KCND3: variants seen among roughly 807,000 people sequenced by gnomAD.
The protein encoded by KCND3 is potassium voltage-gated channel subfamily D member 3.
A neutral mutation model predicts 51.1 loss-of-function variants in KCND3; 9 were observed. The observed-to-expected ratio is 0.18, with a 90% CI of 0.11 to 0.31. The LOEUF (loss-of-function observed/expected upper bound fraction) is 0.31, where lower values mean the gene tolerates loss of function less well. Ranked by LOEUF, KCND3 falls within the 10% of genes least tolerant of loss-of-function variation. The pLI, the probability that KCND3 is intolerant of heterozygous loss-of-function variation, is 1.00. For missense variants in KCND3, 526 were observed against 903.8 expected, an observed-to-expected ratio of 0.58 and a Z score of 5.36; for synonymous variants, 349 against 368.0, an observed-to-expected ratio of 0.95 and a Z score of 0.59.
chr1:111,824,800 C>T (rs1158671141), intron 2 of KCND3, among the ~76,000 whole-genome samples: 1 of 152,168 alleles, frequency 6.6e-6, no homozygotes, highest in Non-Finnish European at 1.5e-5. Context: ...CCTTACCCCT[C>T]CTTAAATCCT....
chr1:111,892,278 C>A (rs1669868210), intron 2 of KCND3, among the ~76,000 whole-genome samples: 1 of 152,174 alleles, frequency 6.6e-6, no homozygotes, highest in Non-Finnish European at 1.5e-5. Flanking sequence ...GTCACTCAGC[C>A]CCCTAGACTC....
At chr1:111,796,401 C>CAAA (rs35252041) in intron 2 of KCND3, among the ~76,000 whole-genome samples, 1 of 147,250 alleles carries the variant, frequency 6.8e-6, no homozygotes, top group African/African-American at 2.5e-5. Context: ...TAGACCAGAC[C>CAAA]AAAAAAAAAA....
intron 2 of KCND3, among the ~76,000 whole-genome samples, chr1:111,799,759 T>C (rs1281893891): frequency 6.6e-6 from 1 of 152,148 alleles, no homozygotes; most frequent in East Asian, 1.9e-4. Context: ...CACACTGACA[T>C]GGATGAATAC....
At chr1:111,877,131 C>T (rs866853328) in intron 2 of KCND3, among the ~76,000 whole-genome samples, 19 of 152,230 alleles carry the variant, frequency 1.2e-4, no homozygotes, top group Non-Finnish European at 7.3e-5. Flanking sequence ...GAGATACCAT[C>T]TATTCTAGAG....
chr1:111,815,780 T>C (rs943662306), intron 2 of KCND3, among the ~76,000 whole-genome samples: 1 of 151,998 alleles, frequency 6.6e-6, no homozygotes, highest in African/African-American at 2.4e-5. Context: ...TATCTAGTTG[T>C]GGTTTTCTTT....
At chr1:111,814,366 CAT>C (rs1429347219) in intron 2 of KCND3, among the ~76,000 whole-genome samples, 1 of 152,210 alleles carries the variant, frequency 6.6e-6, no homozygotes, top group Non-Finnish European at 1.5e-5. Context: ...ATCTTGGGGA[CAT>C]CTGTGAAAGC....
At position 111,981,497 on chromosome 1, in the gene KCND3, G is replaced by A; in HGVS notation, c.1106+124C>T. ...CCCTTCGGATAGAGCAACTTCCCCTGCCCCCAACACTTGGGTAAGGGACTC... is the reference window on the plus strand; with the variant it reads ...CCCTTCGGATAGAGCAACTTCCCCTACCCCCAACACTTGGGTAAGGGACTC... On this transcript the variant is annotated intron_variant, in intron 2 of 7. Transcript: ENST00000302127. This position sits in a 1 kb window ranked among gnomAD's most constrained non-coding sequence, Gnocchi z 6.2. The A allele has an allele frequency of 1.4e-6, 2 of 1,395,124 alleles. No individual in the cohort carries two copies. Among genetic ancestry groups the A allele is most frequent in the Non-Finnish European group, 2.0e-6 (2 of 990,686 alleles). 86.4% of individuals were successfully genotyped at this position (1,395,124 alleles called of 1,614,324 possible). A position where few individuals can be genotyped will look rare whatever the true frequency, so the allele number is the denominator to read the frequency against.
intron 2 of KCND3, among the ~76,000 whole-genome samples, chr1:111,895,869 C>G (rs1406552537): frequency 6.6e-6 from 1 of 152,202 alleles, no homozygotes; most frequent in Non-Finnish European, 1.5e-5. Flanking sequence ...TATGACGAGT[C>G]CTGTATCTGG....
intron 2 of KCND3, among the ~76,000 whole-genome samples, chr1:111,885,338 A>G (rs1669520365): frequency 6.6e-6 from 1 of 152,204 alleles, no homozygotes; most frequent in Non-Finnish European, 1.5e-5. Flanking sequence ...AATAAAGACA[A>G]TGATGGCATG....
intron 2 of KCND3, among the ~76,000 whole-genome samples, chr1:111,886,800 C>T (rs1669590321): frequency 6.6e-6 from 1 of 152,200 alleles, no homozygotes; most frequent in Admixed American, 6.5e-5. Context: ...CCTGAGGTGA[C>T]ATGGCCAGTA....
chr1:111,898,758 G>A (rs1209334541), intron 2 of KCND3, among the ~76,000 whole-genome samples: 1 of 152,164 alleles, frequency 6.6e-6, no homozygotes, highest in African/African-American at 2.4e-5. Flanking sequence ...ACCACAGAGT[G>A]TGGGGTCCAG....
chr1:111,842,975 A>G (rs573190404), intron 2 of KCND3, among the ~76,000 whole-genome samples: 8 of 152,348 alleles, frequency 5.3e-5, no homozygotes, highest in Middle Eastern at 3.4e-3. Flanking sequence ...CATGGTTAGC[A>G]TCTTTACAGG....
chr1:111,987,242 C>A (rs1413318885), intron 1 of KCND3, among the ~76,000 whole-genome samples: 1 of 152,160 alleles, frequency 6.6e-6, no homozygotes, highest in Non-Finnish European at 1.5e-5. Flanking sequence ...CTAAGCCAAT[C>A]TCCAAGGACC....
chr1:111,875,776 G>C (rs1001340028), intron 2 of KCND3, among the ~76,000 whole-genome samples: 3 of 152,220 alleles, frequency 2.0e-5, no homozygotes, highest in Non-Finnish European at 4.4e-5. Flanking sequence ...AGAGAAACTA[G>C]AATTCCATTC....
At chr1:111,844,098 T>C (rs982799938) in intron 2 of KCND3, among the ~76,000 whole-genome samples, 2 of 152,176 alleles carry the variant, frequency 1.3e-5, no homozygotes, top group Admixed American at 1.3e-4. Flanking sequence ...CAGGTGGATG[T>C]GTCTCTCAGG....
In KCND3 at chr1:111,977,449, A is replaced by G. The variant is rs147692816; in HGVS notation, c.1106+4172T>C. Among the ~76,000 whole-genome samples, 78 of 152,240 alleles carry G rather than the reference A, an allele frequency of 5.1e-4. 1 individual carries two copies. The East Asian group carries it at 0.014, about 27-fold the overall frequency. ...TCCTGCTTGGAAGAAGTAAAAATCAATTCCGTTTTCATTAAAGTGATTTTT... is the reference window on the plus strand; with the variant it reads ...TCCTGCTTGGAAGAAGTAAAAATCAGTTCCGTTTTCATTAAAGTGATTTTT... On this transcript the variant is annotated intron_variant, in intron 2 of 7. Transcript: ENST00000302127.
chr1:111,809,573 G>A (rs897887471), intron 2 of KCND3, among the ~76,000 whole-genome samples: 15 of 152,152 alleles, frequency 9.9e-5, no homozygotes, highest in African/African-American at 3.6e-4. Context: ...CTCCCAAAGT[G>A]CTGGGATTAC....
chr1:111,924,677 A>G (rs1478460762), intron 2 of KCND3, among the ~76,000 whole-genome samples: 1 of 152,224 alleles, frequency 6.6e-6, no homozygotes, highest in Non-Finnish European at 1.5e-5. Flanking sequence ...TAGGAGGAGC[A>G]GAGGTCAGGG....
intron 2 of KCND3, among the ~76,000 whole-genome samples, chr1:111,832,768 G>A (rs574690216): frequency 6.6e-6 from 1 of 152,126 alleles, no homozygotes; most frequent in African/African-American, 2.4e-5. Flanking sequence ...TAGTTCTAAC[G>A]GAATAAATAC....
Sources: gnomAD v4.1 joint callset for allele counts (sites outside exome capture counted in the v4.1 genomes callset) on GRCh38, gnomAD v4.1.1 for gene constraint, Gnocchi (gnomAD v3.1) non-coding constraint, MANE v1.5 for transcripts, NCBI Gene and HGNC (gene_info 2026-07-23, HGNC 2026-07-21) for gene names.